The following WFDC12 variants were observed in gnomAD, a reference collection of about 807,000 sequenced individuals.
The protein encoded by WFDC12 is WAP four-disulfide core domain protein 12.
WFDC12 carries 4 observed loss-of-function variants against 7.3 expected under a neutral mutation model. The observed-to-expected ratio is 0.55, with a 90% CI of 0.27 to 1.25. The LOEUF is 1.25. Ranked by LOEUF, WFDC12 falls within the 50% of genes most tolerant of loss-of-function variation. WFDC12 has a pLI of 0.12. For missense variants in WFDC12, 156 were observed against 134.4 expected (o/e 1.16, Z -0.80); for synonymous variants, 48 against 49.5 (o/e 0.97, Z 0.13).
At position 45,124,094 on chromosome 20, in the gene WFDC12, C is replaced by T; in HGVS notation, c.238+13G>A. 2 of 1,613,748 alleles carry T rather than the reference C, an allele frequency of 1.2e-6. No individual in the cohort carries two copies. The highest frequency in any genetic ancestry group is 1.7e-6 in the Non-Finnish European group (2 of 1,179,846). Reference sequence around the variant, plus strand: ...AAGGGACAGCCCCAGCCCTGGGAGGCAGGTCTCCTTACCTTCTTCCAGTTC... The same window carrying T: ...AAGGGACAGCCCCAGCCCTGGGAGGTAGGTCTCCTTACCTTCTTCCAGTTC... On this transcript the variant is annotated intron_variant, in intron 2 of 2. Transcript: ENST00000372785.
chr20:45,124,043 C>T (rs1033416199), intron 2 of WFDC12, 64 bp downstream of exon 2: 2 of 1,610,334 alleles, frequency 1.2e-6, no homozygotes, highest in African/African-American at 1.3e-5. Context: ...TTCCTCCGAA[C>T]TTTCATGGGT....
Position 45,124,391 on chromosome 20 carries a change from C to G in WFDC12, c.57G>C (p.Val19=). 6.2e-7 allele frequency: 1 copy of G among 1,614,234 alleles called. No homozygotes were observed. The highest frequency in any genetic ancestry group is 1.1e-5 in the South Asian group (1 of 91,084). ...CACCCTCTTTAACTCCTTCCACAGC[C>G]ACCAGGGTCACAAGAACGAGAGACA... The part of the protein sequence containing the change: ...LMVSLVLVTL[V]AVEGVKEGIE... The change falls in exon 1 of 3, where the codon GTG becomes GTC. Residue 19 remains valine, a synonymous_variant. Coordinates refer to ENST00000372785, the MANE Select transcript of WFDC12 (RefSeq NM_080869.2).
At position 45,123,589 on chromosome 20, in the gene WFDC12, G is replaced by A. The variant is rs1403880984; in HGVS notation, c.*257C>T. 1.9e-6 allele frequency: 1 copy of A among 525,820 alleles called. No individual in the cohort carries two copies. Among genetic ancestry groups the A allele is most frequent in the Non-Finnish European group, 3.4e-6 (1 of 293,874 alleles). 32.6% of individuals were successfully genotyped at this position (525,820 alleles called of 1,614,324 possible). A position where few individuals can be genotyped will look rare whatever the true frequency, so the allele number is the denominator to read the frequency against. On this transcript the variant is annotated 3_prime_UTR_variant, in exon 3 of 3. Transcript: ENST00000372785. ...CAGAAGGGCAAGGCAGCTCTTTGGGGTCTCTTATAAGGGCACTGGTTTCAT... is the reference window on the plus strand; with the variant it reads ...CAGAAGGGCAAGGCAGCTCTTTGGGATCTCTTATAAGGGCACTGGTTTCAT...
Position 45,123,752 on chromosome 20 carries a change from G to T in WFDC12, c.*94C>A, listed in dbSNP as rs1981920946. On this transcript the variant is annotated 3_prime_UTR_variant, in exon 3 of 3. Coordinates refer to ENST00000372785, the MANE Select transcript of WFDC12 (RefSeq NM_080869.2). ...TTCAAGCTCAGGTTTTCTTTGGTGG[G>T]GTTGGGTATTGCTTCTTCCATATTC... The T allele has an allele frequency of 2.3e-6, 3 of 1,286,488 alleles. No homozygotes were observed. The highest frequency in any genetic ancestry group is 1.5e-5 in the African/African-American group (1 of 67,892). The allele number at this position is 1,286,488 out of a possible 1,614,324, so 79.7% of individuals were successfully genotyped here. A position where few individuals can be genotyped will look rare whatever the true frequency, so the allele number is the denominator to read the frequency against.
chr20:45,124,116 G>C lies in WFDC12; in HGVS notation c.229C>G (p.Leu77Val). 6.2e-7 allele frequency: 1 copy of C among 1,614,112 alleles called. No homozygotes were observed. Among genetic ancestry groups the C allele is most frequent in the South Asian group, 1.1e-5 (1 of 91,074 alleles). The change falls in exon 2 of 3, where the codon CTG (leucine) becomes GTG (valine). Residue 77 changes from leucine to valine, a missense_variant. Physicochemically the swap from Leu to Val is conservative, Grantham distance 32. Transcript: ENST00000372785. The part of the protein sequence containing the change: ...GFKCVIPVKE[L>V]EEGGNKDEDV... ...AGGCAGGTCTCCTTACCTTCTTCCA[G>C]TTCCTTCACAGGAATCACACACTTG...
In WFDC12 at chr20:45,123,522, T is replaced by C. The variant is rs1981915920; in HGVS notation, c.*324A>G. The C allele has an allele frequency of 6.0e-6, 2 of 333,334 alleles. No individual in the cohort carries two copies. Among genetic ancestry groups the C allele is most frequent in the South Asian group, 8.3e-5 (2 of 24,184 alleles). The allele number at this position is 333,334 out of a possible 1,614,324, so 20.6% of individuals were successfully genotyped here. ...GATTCAGCATCTGGTGAGGACCAGT[T>C]TCTCTTCTCTGACAGTGCCTTCTAG... On this transcript the variant is annotated 3_prime_UTR_variant, in exon 3 of 3. Coordinates refer to ENST00000372785, the MANE Select transcript of WFDC12 (RefSeq NM_080869.2).
Position 45,124,444 on chromosome 20 carries a change from C to G in WFDC12, c.4G>C (p.Gly2Arg), listed in dbSNP as rs571999998. The stretch of plus-strand genomic sequence containing the variant: ...ATGAGGACCAAGAAGCTGCTGGACC[C>G]CATGTTGCCAGGCAGGTGCTTGGCT... Reference protein sequence around the residue: MGSSSFLVLMVS... With the variant: MRSSSFLVLMVS... The change falls in exon 1 of 3, where the codon GGG becomes CGG. Residue 2 changes from glycine (G) to arginine (R), a missense_variant. Transcript: ENST00000372785. 3.1e-6 allele frequency: 5 copies of G among 1,614,174 alleles called. No homozygotes were observed. The Admixed American group carries it at 8.3e-5, about 27-fold the overall frequency.
chr20:45,124,065 AG>A (rs769439425), intron 2 of WFDC12, 41 bp downstream of exon 2: 188 of 1,612,786 alleles, frequency 1.2e-4, no homozygotes, highest in Non-Finnish European at 1.5e-4. Context: ...AGATAGAGGC[AG>A]GGAAGGGACA....
chr20:45,123,710 T>C lies in WFDC12; in HGVS notation c.*136A>G. On this transcript the variant is annotated 3_prime_UTR_variant, in exon 3 of 3. Coordinates refer to ENST00000372785, the MANE Select transcript of WFDC12 (RefSeq NM_080869.2). The stretch of plus-strand genomic sequence containing the variant: ...CTGGACTTTTTGTGACTCTTCCCTC[T>C]TTTTGGGGAAAAGGACTTCAAGCTC... 2 of 932,010 alleles carry C rather than the reference T, an allele frequency of 2.1e-6. No individual in the cohort carries two copies. The highest frequency in any genetic ancestry group is 3.3e-6 in the Non-Finnish European group (2 of 601,234). The allele number at this position is 932,010 out of a possible 1,614,324, so 57.7% of individuals were successfully genotyped here. A position where few individuals can be genotyped will look rare whatever the true frequency, so the allele number is the denominator to read the frequency against.
rs1433556204 is a variant in WFDC12, at chr20:45,123,817, T to A, written c.*29A>T. ...CTCAGGGGCAGGTGCCAAGTGAGAG[T>A]GACCCCCAGAGGTAGAAAGGACCCA... On this transcript the variant is annotated 3_prime_UTR_variant, in exon 3 of 3. Coordinates refer to ENST00000372785, the MANE Select transcript of WFDC12 (RefSeq NM_080869.2). 1.2e-6 allele frequency: 2 copies of A among 1,608,836 alleles called. No homozygotes were observed. The highest frequency in any genetic ancestry group is 3.3e-5 in the Admixed American group (2 of 60,000).
At position 45,124,153 on chromosome 20, in the gene WFDC12, C is replaced by A. The variant is rs779934839; in HGVS notation, c.192G>T (p.Leu64=). The A allele has an allele frequency of 1.9e-6, 3 of 1,614,226 alleles. No individual in the cohort carries two copies. The highest frequency in any genetic ancestry group is 2.5e-6 in the Non-Finnish European group (3 of 1,180,040). Reference sequence around the variant, plus strand: ...GAATCACACACTTGAAGCCACAGTGCAGGTAACAACACTTCCTTTCCCCCA... The same window carrying A: ...GAATCACACACTTGAAGCCACAGTGAAGGTAACAACACTTCCTTTCCCCCA... The part of the protein sequence containing the change: ...DCLGERKCCY[L]HCGFKCVIPV... Residue 64 remains leucine (L), a synonymous_variant, in exon 2 of 3, where the codon CTG becomes CTT. Transcript: ENST00000372785.
chr20:45,123,695 T>C lies in WFDC12; in HGVS notation c.*151A>G. ...TACCGTCCCTGGGGTCTGGACTTTTTGTGACTCTTCCCTCTTTTTGGGGAA... is the reference window on the plus strand; with the variant it reads ...TACCGTCCCTGGGGTCTGGACTTTTCGTGACTCTTCCCTCTTTTTGGGGAA... On this transcript the variant is annotated 3_prime_UTR_variant, in exon 3 of 3. Coordinates refer to ENST00000372785, the MANE Select transcript of WFDC12 (RefSeq NM_080869.2). 1 of 820,446 alleles carries C rather than the reference T, an allele frequency of 1.2e-6. No homozygotes were observed. The highest frequency in any genetic ancestry group is 2.4e-5 in the East Asian group (1 of 41,224). 50.8% of individuals were successfully genotyped at this position (820,446 alleles called of 1,614,324 possible).
rs1389066618 is a variant in WFDC12 at position 45,124,182 on chromosome 20, A to T, written c.163T>A (p.Cys55Ser). ...TAACAACACTTCCTTTCCCCCAGAC[A>T]GTCCTGGTCTGTGTGACACTGGGGA... ...DPPQCHTDQD[C>S]LGERKCCYLH... Residue 55 changes from cysteine (C) to serine (S), a missense_variant, in exon 2 of 3, where the codon TGT (cysteine) becomes AGT (serine). Cys to Ser is a moderately radical substitution (Grantham distance 112). Coordinates refer to ENST00000372785, the MANE Select transcript of WFDC12 (RefSeq NM_080869.2). 6.2e-7 allele frequency: 1 copy of T among 1,614,080 alleles called. No individual in the cohort carries two copies. Among genetic ancestry groups the T allele is most frequent in the African/African-American group, 1.3e-5 (1 of 74,924 alleles).
Position 45,124,248 on chromosome 20 carries a change from C to G in WFDC12, c.97G>C (p.Val33Leu), listed in dbSNP as rs1461864620. 2.5e-6 allele frequency: 4 copies of G among 1,614,060 alleles called. No individual in the cohort carries two copies. Among genetic ancestry groups the G allele is most frequent in the African/African-American group, 1.3e-5 (1 of 74,930 alleles). The change falls in exon 2 of 3, where the codon GTT becomes CTT. Residue 33 changes from valine (V) to leucine (L), a missense_variant. Val to Leu is a conservative substitution (Grantham distance 32). Transcript: ENST00000372785. ...GVKEGIEKAG[V>L]CPADNVRCFK... Reference sequence around the variant, plus strand: ...CAGCGTACGTTGTCAGCTGGGCAAACCCCTGCTTTCTCTATACCTAGTGGA... The same window carrying G: ...CAGCGTACGTTGTCAGCTGGGCAAAGCCCTGCTTTCTCTATACCTAGTGGA...
Position 45,123,624 on chromosome 20 carries a change from G to T in WFDC12, c.*222C>A, listed in dbSNP as rs896169888. On this transcript the variant is annotated 3_prime_UTR_variant, in exon 3 of 3. Coordinates refer to ENST00000372785, the MANE Select transcript of WFDC12 (RefSeq NM_080869.2). ...AGGGCACTGGTTTCATTCATGAGGGGTCCATTCATGAGCATTAGGGAGGAG... is the reference window on the plus strand; with the variant it reads ...AGGGCACTGGTTTCATTCATGAGGGTTCCATTCATGAGCATTAGGGAGGAG... 16 of 587,692 alleles carry T rather than the reference G, an allele frequency of 2.7e-5. No homozygotes were observed. In the African/African-American group the frequency reaches 3.0e-4, roughly 11 times the overall value. The allele number at this position is 587,692 out of a possible 1,614,324, so 36.4% of individuals were successfully genotyped here.
At position 45,124,212 on chromosome 20, in the gene WFDC12, C is replaced by T. The variant is rs749352048; in HGVS notation, c.133G>A (p.Asp45Asn). The T allele has an allele frequency of 2.6e-5, 42 of 1,614,058 alleles. No individual in the cohort carries two copies. In the Middle Eastern group the frequency reaches 8.2e-4, roughly 32 times the overall value. The change falls in exon 2 of 3, where the codon GAT (aspartate) becomes AAT (asparagine). Residue 45 changes from aspartate (D) to asparagine (N), a missense_variant. Transcript: ENST00000372785. ...TGGTCTGTGTGACACTGGGGAGGAT[C>T]GGACTTGAAGCAGCGTACGTTGTCA... Reference protein sequence around the residue: ...PADNVRCFKSDPPQCHTDQDC... With the variant: ...PADNVRCFKSNPPQCHTDQDC...
chr20:45,124,235 T>C lies in WFDC12; in HGVS notation c.110A>G (p.Asp37Gly). The C allele has an allele frequency of 6.2e-7, 1 of 1,614,204 alleles. No individual in the cohort carries two copies. Among genetic ancestry groups the C allele is most frequent in the Non-Finnish European group, 8.5e-7 (1 of 1,180,032 alleles). Residue 37 changes from aspartate (D) to glycine (G), a missense_variant, in exon 2 of 3, where the codon GAC (aspartate) becomes GGC (glycine). Transcript: ENST00000372785. ...ATCGGACTTGAAGCAGCGTACGTTG[T>C]CAGCTGGGCAAACCCCTGCTTTCTC... Reference protein sequence around the residue: ...GIEKAGVCPADNVRCFKSDPP... With the variant: ...GIEKAGVCPAGNVRCFKSDPP...
Position 45,123,871 on chromosome 20 carries a change from G to T in WFDC12, c.311C>A (p.Ser104Tyr). The T allele has an allele frequency of 3.1e-6, 5 of 1,613,324 alleles. No homozygotes were observed. Among genetic ancestry groups the T allele is most frequent in the Non-Finnish European group, 4.2e-6 (5 of 1,180,016 alleles). Residue 104 changes from serine (S) to tyrosine (Y), a missense_variant, in exon 3 of 3, where the codon TCC (serine) becomes TAC (tyrosine). Ser to Tyr is a moderately radical substitution (Grantham distance 144). Transcript: ENST00000372785. ...TCATTTCTGAGGACACCTGGTAGAG[G>T]AGGAGCCTGGACACTTGGCCTCCCA... ...PGWEAKCPGSSSTRCPQK is the reference protein window; with the variant it reads ...PGWEAKCPGSYSTRCPQK
chr20:45,123,758 G>A lies in WFDC12; in HGVS notation c.*88C>T. 1 of 1,340,134 alleles carries A rather than the reference G, an allele frequency of 7.5e-7. No individual in the cohort carries two copies. Among genetic ancestry groups the A allele is most frequent in the Non-Finnish European group, 1.1e-6 (1 of 940,632 alleles). 83.0% of individuals were successfully genotyped at this position (1,340,134 alleles called of 1,614,324 possible). A position where few individuals can be genotyped will look rare whatever the true frequency, so the allele number is the denominator to read the frequency against. On this transcript the variant is annotated 3_prime_UTR_variant, in exon 3 of 3. Coordinates refer to ENST00000372785, the MANE Select transcript of WFDC12 (RefSeq NM_080869.2). ...CTCAGGTTTTCTTTGGTGGGGTTGG[G>A]TATTGCTTCTTCCATATTCCAAGTC...
Sources: gnomAD v4.1 joint callset for allele counts on GRCh38, gnomAD v4.1.1 for gene constraint, MANE v1.5 for transcripts, NCBI Gene and HGNC (gene_info 2026-07-23, HGNC 2026-07-21) for gene names.